The following LMO7 variants were observed in gnomAD, a reference collection of about 807,000 sequenced individuals.
LMO7 encodes LIM domain only protein 7.
LMO7 carries 120 observed loss-of-function variants against 206.5 expected under a neutral mutation model. The ratio of observed to expected loss-of-function variants is 0.58; its 90% CI spans 0.50 to 0.68. The LOEUF (loss-of-function observed/expected upper bound fraction) is 0.68. Ranked by LOEUF, LMO7 falls within the 30% of genes least tolerant of loss-of-function variation. The pLI is 0.00. For synonymous variants in LMO7, 706 were observed against 681.5 expected (o/e 1.04, Z -0.56); for missense variants, 1,959 against 1,957.9 (o/e 1.00, Z -0.01).
At chr13:75,647,436 A>C (rs1405407389) in intron 1 of LMO7, among the ~76,000 whole-genome samples, 1 of 152,192 alleles carries the variant, frequency 6.6e-6, no homozygotes, top group Admixed American at 6.5e-5. Context: ...AACCATGCCA[A>C]ATTTACTTTA....
intron 1 of LMO7, among the ~76,000 whole-genome samples, chr13:75,679,416 A>G (rs935765447): frequency 6.6e-6 from 1 of 152,214 alleles, no homozygotes; most frequent in African/African-American, 2.4e-5. Flanking sequence ...GGAAACGAGT[A>G]AGACTCAGAT....
At chr13:75,672,031 C>T (rs757008937) in intron 1 of LMO7, among the ~76,000 whole-genome samples, 12 of 152,154 alleles carry the variant, frequency 7.9e-5, no homozygotes, top group South Asian at 2.1e-4. Context: ...ACAATACAGT[C>T]GACCCTCAGC....
chr13:75,812,130 C>T (rs1304690106), intron 11 of LMO7, among the ~76,000 whole-genome samples: 2 of 145,268 alleles, frequency 1.4e-5, no homozygotes, highest in Admixed American at 1.4e-4. Flanking sequence ...CTACTGGCAA[C>T]TAGTGCCTTC....
rs776071632 is a variant in LMO7 at position 75,761,019 on chromosome 13, T to C, written c.298T>C (p.Ser100Pro). 8 of 1,610,878 alleles carry C rather than the reference T, an allele frequency of 5.0e-6. No individual in the cohort carries two copies. In the East Asian group the frequency reaches 8.9e-5, roughly 18 times the overall value. The change falls in exon 4 of 31, where the codon TCA (serine) becomes CCA (proline). Residue 100 changes from serine to proline, a missense_variant. Ser to Pro is a moderately conservative substitution (Grantham distance 74, BLOSUM62 -1). Coordinates refer to ENST00000377534, the MANE Select transcript of LMO7 (RefSeq NM_001306080.2). ...LFHPGDLQDLSNRVTVKQEET... is the reference protein window; with the variant it reads ...LFHPGDLQDLPNRVTVKQEET... ...CCATCCTGGAGATCTACAGGATTTA[T>C]CAAATCGAGTCACTGTCAAGTAAGT...
At chr13:75,766,264 G>A (rs1323157933) in intron 4 of LMO7, among the ~76,000 whole-genome samples, 1 of 127,200 alleles carries the variant, frequency 7.9e-6, no homozygotes, top group Non-Finnish European at 1.6e-5. Flanking sequence ...TTTTATGTGA[G>A]CTTTACCAGT....
chr13:75,852,809 G>T (rs1015695561), intron 27 of LMO7, among the ~76,000 whole-genome samples: 2 of 152,136 alleles, frequency 1.3e-5, no homozygotes, highest in Non-Finnish European at 2.9e-5. Context: ...TAAGGTAAGT[G>T]TTCTGAGCAT....
intron 1 of LMO7, among the ~76,000 whole-genome samples, chr13:75,691,860 C>A (rs2041506861): frequency 2.0e-5 from 3 of 152,116 alleles, no homozygotes; most frequent in Admixed American, 2.0e-4. Flanking sequence ...TCCTCCCCAC[C>A]CTAACCCTGC....
intron 2 of LMO7, chr13:75,628,251 C>T (rs1411063966): frequency 6.6e-6 from 1 of 152,232 alleles, no homozygotes; most frequent in Non-Finnish European, 1.5e-5. Context: ...TGGAAACTTC[C>T]TGGAGGTTTG....
chr13:75,841,893 A>C lies in LMO7; in HGVS notation c.3941A>C (p.Glu1314Ala). The C allele has an allele frequency of 6.2e-7, 1 of 1,613,942 alleles. No individual in the cohort carries two copies. The highest frequency in any genetic ancestry group is 8.5e-7 in the Non-Finnish European group (1 of 1,179,890). Residue 1314 changes from glutamate (E) to alanine (A), a missense_variant, in exon 24 of 31, where the codon GAG becomes GCG. Transcript: ENST00000377534. ...EEQEQKRLQA[E>A]AEEQKRPAEE... ...CAAGAGCAAAAGCGGCTTCAGGCTG[A>C]GGCTGAGGAGCAGAAGCGTCCTGCG...
chr13:75,673,360 G>A (rs973708665), intron 1 of LMO7, among the ~76,000 whole-genome samples: 28 of 152,118 alleles, frequency 1.8e-4, no homozygotes, highest in Non-Finnish European at 4.0e-4. Flanking sequence ...TGCTTGGGGT[G>A]GCCATGTGTC....
chr13:75,813,014 A>G (rs1323681075), intron 11 of LMO7, among the ~76,000 whole-genome samples: 2 of 152,250 alleles, frequency 1.3e-5, no homozygotes, highest in African/African-American at 4.8e-5. Context: ...AGATAGAGAA[A>G]CAAATATTGC....
At chr13:75,795,004 T>C (rs544470754) in intron 4 of LMO7, among the ~76,000 whole-genome samples, 104 of 152,252 alleles carry the variant, frequency 6.8e-4, no homozygotes, top group African/African-American at 2.4e-3. Flanking sequence ...TAAGGTTTTT[T>C]TCCCCCCATT....
intron 1 of LMO7, among the ~76,000 whole-genome samples, chr13:75,663,938 A>G (rs1420104652): frequency 6.6e-6 from 1 of 152,196 alleles, no homozygotes; most frequent in African/African-American, 2.4e-5. Flanking sequence ...ACATCAGGGT[A>G]AATGAGGTAT....
chr13:75,763,933 C>T (rs1341856450), intron 4 of LMO7, among the ~76,000 whole-genome samples: 2 of 152,170 alleles, frequency 1.3e-5, no homozygotes, highest in South Asian at 2.1e-4. Flanking sequence ...CTGAAGTTTA[C>T]AATTTAATTC....
intron 15 of LMO7, among the ~76,000 whole-genome samples, chr13:75,831,675 C>G (rs553212274): frequency 6.6e-6 from 1 of 152,192 alleles, no homozygotes; most frequent in South Asian, 2.1e-4. Context: ...CAAAACAAGG[C>G]AACCTCACTT....
intron 19 of LMO7, among the ~76,000 whole-genome samples, chr13:75,837,412 G>A (rs1245439558): frequency 2.6e-5 from 4 of 152,172 alleles, no homozygotes; most frequent in African/African-American, 7.2e-5. Context: ...GCTCTATGAC[G>A]ACTAGGGGAC....
chr13:75,623,099 T>G (rs1324729172), intron 1 of LMO7, among the ~76,000 whole-genome samples: 1 of 152,226 alleles, frequency 6.6e-6, no homozygotes, highest in African/African-American at 2.4e-5. Flanking sequence ...TATAATTGTG[T>G]TTGACTCTTT....
Position 75,808,188 on chromosome 13 carries a change from G to A in LMO7, c.1905G>A (p.Leu635=). Reference sequence around the variant, plus strand: ...GCAGACTTAGGCACAAGAAAAGGCTGATGGTGGAGAGGTCAGAGTGTGTTT... The same window carrying A: ...GCAGACTTAGGCACAAGAAAAGGCTAATGGTGGAGAGGTCAGAGTGTGTTT... ...EASRLRHKKR[L]MVERLFQKIY... Residue 635 remains leucine, a synonymous_variant, in exon 10 of 31, where the codon CTG becomes CTA. Transcript: ENST00000377534. 1 of 1,611,606 alleles carries A rather than the reference G, an allele frequency of 6.2e-7. No individual in the cohort carries two copies. Among genetic ancestry groups the A allele is most frequent in the Non-Finnish European group, 8.5e-7 (1 of 1,178,426 alleles).
chr13:75,774,366 T>G (rs1020883571), intron 4 of LMO7, among the ~76,000 whole-genome samples: 2 of 152,168 alleles, frequency 1.3e-5, no homozygotes, highest in African/African-American at 4.8e-5. Context: ...TGATTCATGT[T>G]GAGTAATTCC....
Sources: gnomAD v4.1 joint callset for allele counts (sites outside exome capture counted in the v4.1 genomes callset) on GRCh38, gnomAD v4.1.1 for gene constraint, MANE v1.5 for transcripts, NCBI Gene and HGNC (gene_info 2026-07-23, HGNC 2026-07-21) for gene names.